Variants in MARCHF4 observed in about 807,000 individuals in gnomAD.
MARCHF4 encodes the protein membrane associated ring-CH-type finger 4.
A neutral mutation model predicts 43.9 loss-of-function variants in MARCHF4; 14 were observed. That is an observed-to-expected ratio of 0.32 (90% CI 0.21 to 0.50). The LOEUF (loss-of-function observed/expected upper bound fraction) is 0.50, where lower values mean the gene tolerates loss of function less well. MARCHF4 is among the 20% of genes least tolerant of loss of function. The pLI is 0.98. For synonymous variants in MARCHF4, 226 were observed against 213.3 expected, an observed-to-expected ratio of 1.06 and a Z score of -0.52; for missense variants, 468 against 536.7, an observed-to-expected ratio of 0.87 and a Z score of 1.27.
intron 1 of MARCHF4, among the ~76,000 whole-genome samples, chr2:216,293,719 G>A (rs1217122200): frequency 4.4e-5 from 4 of 90,630 alleles, no homozygotes; most frequent in African/African-American, 1.1e-4. Context: ...TAAGACAAAT[G>A]TACCTATTTC....
chr2:216,300,348 A>ACACATATATATACGTATATATATATG (rs1463914310), intron 1 of MARCHF4, among the ~76,000 whole-genome samples: 1 of 120,578 alleles, frequency 8.3e-6, no homozygotes, highest in Admixed American at 8.0e-5. Context: ...ATATATATAT[A>ACACATATATATACGTATATATATATG]TGTATATATA....
At chr2:216,360,591 C>G (rs182533574) in intron 1 of MARCHF4, among the ~76,000 whole-genome samples, 1 of 152,030 alleles carries the variant, frequency 6.6e-6, no homozygotes, top group East Asian at 1.9e-4. Flanking sequence ...GCCGGGAGAT[C>G]GGGAGTGGAA....
intron 1 of MARCHF4, among the ~76,000 whole-genome samples, chr2:216,323,145 C>G (rs569873624): frequency 7.2e-5 from 11 of 152,130 alleles, no homozygotes; most frequent in African/African-American, 2.2e-4. Context: ...CAAACTGATA[C>G]CCTAGTAAGT....
intron 3 of MARCHF4, among the ~76,000 whole-genome samples, chr2:216,272,042 G>A (rs1690946888): frequency 6.7e-6 from 1 of 149,214 alleles, no homozygotes; most frequent in Non-Finnish European, 1.5e-5. Context: ...ATTTTGGGAG[G>A]CTTAGAGATC....
intron 1 of MARCHF4, among the ~76,000 whole-genome samples, chr2:216,316,115 T>C (rs1216017204): frequency 1.3e-5 from 2 of 152,204 alleles, no homozygotes; most frequent in Non-Finnish European, 2.9e-5. Flanking sequence ...ATTCATCGCC[T>C]GGTTGGAGGC....
intron 1 of MARCHF4, among the ~76,000 whole-genome samples, chr2:216,295,095 G>GT (rs141297931): frequency 0.022 from 3,346 of 152,322 alleles, 119 homozygotes; most frequent in African/African-American, 0.077. Flanking sequence ...TGCATGGGGT[G>GT]ATACAGCATG....
chr2:216,317,059 C>T (rs886954409), intron 1 of MARCHF4, among the ~76,000 whole-genome samples: 6 of 152,122 alleles, frequency 3.9e-5, no homozygotes, highest in South Asian at 2.1e-4. Flanking sequence ...ACCTCTTCAG[C>T]CCAAGCTGGT....
chr2:216,354,983 C>CTTTCTTTTT (rs1559106750), intron 1 of MARCHF4, among the ~76,000 whole-genome samples: 1 of 96,860 alleles, frequency 1.0e-5, no homozygotes, highest in South Asian at 3.1e-4. Context: ...TTCTTTCTTT[C>CTTTCTTTTT]TTTTTTGAGA....
intron 1 of MARCHF4, among the ~76,000 whole-genome samples, chr2:216,302,907 A>C (rs1691514610): frequency 1.2e-5 from 1 of 84,156 alleles, no homozygotes; most frequent in South Asian, 3.4e-4. Context: ...CAAAAAAAAA[A>C]AAAAAAAAAA....
chr2:216,283,332 C>T (rs1691162045), intron 2 of MARCHF4, among the ~76,000 whole-genome samples: 1 of 152,136 alleles, frequency 6.6e-6, no homozygotes, highest in African/African-American at 2.4e-5. Context: ...TTCTTTCCTT[C>T]TGTATCTATT....
chr2:216,270,839 T>C (rs955889705), intron 3 of MARCHF4, among the ~76,000 whole-genome samples: 10 of 151,914 alleles, frequency 6.6e-5, no homozygotes, highest in African/African-American at 2.4e-4. Flanking sequence ...CAAATCTACA[T>C]CCTAAGTACC....
Position 216,372,364 on chromosome 2 carries a change from A to G in MARCHF4, c.-2104T>C, listed in dbSNP as rs1439465732. 2.0e-5 allele frequency among the ~76,000 whole-genome samples: 3 copies of G among 152,192 alleles called. No homozygotes were observed. Among genetic ancestry groups the G allele is most frequent in the African/African-American group, 7.2e-5 (3 of 41,444 alleles). ...CCGGGCGAGTGGACAGCTCCCACCCAGACCCCGCGCGTCACGCTCGTGGGG... is the reference window on the plus strand; with the variant it reads ...CCGGGCGAGTGGACAGCTCCCACCCGGACCCCGCGCGTCACGCTCGTGGGG... On this transcript the variant is annotated 5_prime_UTR_variant, in exon 1 of 4. Transcript: ENST00000273067.
intron 1 of MARCHF4, among the ~76,000 whole-genome samples, chr2:216,359,354 CTCT>C (rs1025373834): frequency 6.6e-6 from 1 of 151,964 alleles, no homozygotes; most frequent in African/African-American, 2.4e-5. Context: ...TTATTTTTTC[CTCT>C]TCTTTTCTCT....
intron 1 of MARCHF4, among the ~76,000 whole-genome samples, chr2:216,301,266 A>G (rs113270363): frequency 0.05 from 7,545 of 152,296 alleles, 609 homozygotes; most frequent in African/African-American, 0.17. Flanking sequence ...GGGCCTTCCC[A>G]GCTGCAACAC....
intron 1 of MARCHF4, among the ~76,000 whole-genome samples, chr2:216,367,814 T>C (rs1692689458): frequency 6.6e-6 from 1 of 152,230 alleles, no homozygotes; most frequent in African/African-American, 2.4e-5. Context: ...ATGATTTTTT[T>C]CTTTTTCTTT....
intron 1 of MARCHF4, among the ~76,000 whole-genome samples, chr2:216,337,890 A>C (rs999304975): frequency 6.6e-6 from 1 of 152,308 alleles, no homozygotes; most frequent in East Asian, 1.9e-4. Flanking sequence ...AGCAAAGGAC[A>C]CCAAAAGGAG....
At chr2:216,367,346 C>G (rs939625081) in intron 1 of MARCHF4, among the ~76,000 whole-genome samples, 1 of 151,940 alleles carries the variant, frequency 6.6e-6, no homozygotes. Flanking sequence ...CTCTATCCCT[C>G]TCTTTCTCCC....
chr2:216,359,692 C>CA (rs1692548396), intron 1 of MARCHF4, among the ~76,000 whole-genome samples: 1 of 152,224 alleles, frequency 6.6e-6, no homozygotes, highest in Non-Finnish European at 1.5e-5. Context: ...TGCAGACCTC[C>CA]ACCTGCTTGC....
At chr2:216,285,375 C>A (rs1559089738) in intron 1 of MARCHF4, among the ~76,000 whole-genome samples, 1 of 152,230 alleles carries the variant, frequency 6.6e-6, no homozygotes, top group African/African-American at 2.4e-5. Flanking sequence ...CCTCCAATAA[C>A]AACAGGCCCT....
Sources: gnomAD v4.1 joint callset for allele counts (sites outside exome capture counted in the v4.1 genomes callset) on GRCh38, gnomAD v4.1.1 for gene constraint, MANE v1.5 for transcripts, NCBI Gene and HGNC (gene_info 2026-07-23, HGNC 2026-07-21) for gene names.